CORO2A: variants seen among roughly 807,000 people sequenced by gnomAD.
CORO2A encodes the protein coronin 2A.
A neutral mutation model predicts 62.4 loss-of-function variants in CORO2A; 47 were observed. That is an observed-to-expected ratio of 0.75 (90% CI 0.60 to 0.96). The LOEUF is 0.96. Among genes scored for constraint, CORO2A ranks in the 40% least tolerant of loss-of-function variants. The pLI is 0.00. For synonymous variants in CORO2A, 273 were observed against 268.9 expected, an observed-to-expected ratio of 1.02 and a Z score of -0.15; for missense variants, 610 against 684.1, an observed-to-expected ratio of 0.89 and a Z score of 1.21.
chr9:98,180,886 C>T (rs1191802821), intron 1 of CORO2A, among the ~76,000 whole-genome samples: 1 of 152,220 alleles, frequency 6.6e-6, no homozygotes, highest in Non-Finnish European at 1.5e-5. Context: ...TGCTCAGCAA[C>T]ACCTTTGCTG....
At chr9:98,187,445 C>T (rs1410722443) in intron 1 of CORO2A, among the ~76,000 whole-genome samples, 1 of 125,612 alleles carries the variant, frequency 8.0e-6, no homozygotes, top group African/African-American at 3.1e-5. Context: ...GGCGGCTGGG[C>T]GAAACTCCAT....
chr9:98,151,872 A>G (rs946417581), intron 2 of CORO2A, among the ~76,000 whole-genome samples: 2 of 141,706 alleles, frequency 1.4e-5, no homozygotes, highest in African/African-American at 5.4e-5. Context: ...GCTGGAGTAC[A>G]GTGGCGCGAT....
chr9:98,155,304 C>A (rs1827786828), intron 2 of CORO2A, among the ~76,000 whole-genome samples: 1 of 148,574 alleles, frequency 6.7e-6, no homozygotes, highest in African/African-American at 2.5e-5. Context: ...CTCGCCTTTC[C>A]TTTTGCTATT....
chr9:98,158,942 G>T (rs1827844936), intron 1 of CORO2A, among the ~76,000 whole-genome samples: 1 of 152,134 alleles, frequency 6.6e-6, no homozygotes, highest in Non-Finnish European at 1.5e-5. Flanking sequence ...CTGTGAGAGG[G>T]TCTAGGCCTC....
chr9:98,131,009 G>T lies in CORO2A; in HGVS notation c.816C>A (p.Gly272=). The T allele has an allele frequency of 3.1e-6, 5 of 1,613,930 alleles. No individual in the cohort carries two copies. The highest frequency in any genetic ancestry group is 4.2e-6 in the Non-Finnish European group (5 of 1,179,940). ...LMEEDLDGSS[G]VLFPFYDADT... is the part of the protein sequence containing the mutation. ...CCGCGTCATAGAAGGGAAACAGCAC[G>T]CCCGAGGAGCCGTCCAGGTCCTCCT... Residue 272 remains glycine, a synonymous_variant, in exon 7 of 12, where the codon GGC becomes GGA. Coordinates refer to ENST00000375077, the MANE Select transcript of CORO2A (RefSeq NM_052820.4).
intron 2 of CORO2A, among the ~76,000 whole-genome samples, chr9:98,153,083 C>A (rs1827749356): frequency 1.3e-5 from 2 of 152,118 alleles, no homozygotes; most frequent in South Asian, 2.1e-4. Flanking sequence ...GGTAAAGGGT[C>A]ATCTCTATAA....
Position 98,134,790 on chromosome 9 carries a change from G to T in CORO2A, c.468+16C>A. 1.3e-6 allele frequency: 2 copies of T among 1,593,002 alleles called. No individual in the cohort carries two copies. Among genetic ancestry groups the T allele is most frequent in the Non-Finnish European group, 8.6e-7 (1 of 1,167,032 alleles). On this transcript the variant is annotated intron_variant, in intron 4 of 11. Transcript: ENST00000375077. Reference sequence around the variant, plus strand: ...ACTTGTTGGGGCTGCCCCAGAGAAAGAATACCCAGACTCACCTTGTAGTCA... The same window carrying T: ...ACTTGTTGGGGCTGCCCCAGAGAAATAATACCCAGACTCACCTTGTAGTCA...
At chr9:98,184,697 G>A (rs1044660034) in intron 1 of CORO2A, among the ~76,000 whole-genome samples, 1 of 152,076 alleles carries the variant, frequency 6.6e-6, no homozygotes, top group Admixed American at 6.6e-5. Flanking sequence ...GGCTGCCTTC[G>A]GGGACCCCAC....
chr9:98,127,813 G>GTC (rs1464506149), intron 10 of CORO2A, among the ~76,000 whole-genome samples: 1 of 76,338 alleles, frequency 1.3e-5, no homozygotes, highest in Non-Finnish European at 2.2e-5. Context: ...GCGAGACTCT[G>GTC]TCTCAAAAAA....
In CORO2A at chr9:98,133,030, G is replaced by C. The variant is rs777343719; in HGVS notation, c.648+8C>G. 6.2e-7 allele frequency: 1 copy of C among 1,614,106 alleles called. No individual in the cohort carries two copies. Among genetic ancestry groups the C allele is most frequent in the South Asian group, 1.1e-5 (1 of 91,068 alleles). Reference sequence around the variant, plus strand: ...TGAGCCTGAGCCAGCCCCTGGCCCAGAACTGACCTGGAGGACGGTCCCTGC... The same window carrying C: ...TGAGCCTGAGCCAGCCCCTGGCCCACAACTGACCTGGAGGACGGTCCCTGC... On this transcript the variant is annotated splice_region_variant and intron_variant, in intron 5 of 11. Transcript: ENST00000375077.
chr9:98,186,301 G>C (rs1045022545), intron 1 of CORO2A, among the ~76,000 whole-genome samples: 19 of 152,056 alleles, frequency 1.2e-4, no homozygotes, highest in Non-Finnish European at 2.5e-4. Flanking sequence ...GGCTAGGTTT[G>C]GGGGATGGTA....
At chr9:98,142,368 A>C (rs1469774551) in intron 2 of CORO2A, among the ~76,000 whole-genome samples, 1 of 152,226 alleles carries the variant, frequency 6.6e-6, no homozygotes, top group Non-Finnish European at 1.5e-5. Flanking sequence ...CTGGTGCTGT[A>C]CTTCCTGTGC....
chr9:98,131,371 G>GCTGGAGTGCAGTGGTGCGATCATAGCTCA (rs1827406795), intron 6 of CORO2A, among the ~76,000 whole-genome samples: 1 of 150,876 alleles, frequency 6.6e-6, no homozygotes, highest in Admixed American at 6.6e-5. Context: ...TGTCACCCAG[G>GCTGGAGTGCAGTGGTGCGATCATAGCTCA]CTGGAGTGCA....
At chr9:98,177,613 T>C (rs1458126579) in intron 1 of CORO2A, among the ~76,000 whole-genome samples, 1 of 151,912 alleles carries the variant, frequency 6.6e-6, no homozygotes, top group Admixed American at 6.6e-5. Flanking sequence ...ATTACAGGCA[T>C]GTGCCACCAC....
At chr9:98,181,530 T>A (rs1252602762) in intron 1 of CORO2A, among the ~76,000 whole-genome samples, 1 of 152,018 alleles carries the variant, frequency 6.6e-6, no homozygotes, top group Non-Finnish European at 1.5e-5. Context: ...ATCTTGCCCT[T>A]GATCTTTCCG....
At chr9:98,151,018 C>T (rs1030635299) in intron 2 of CORO2A, among the ~76,000 whole-genome samples, 1 of 152,206 alleles carries the variant, frequency 6.6e-6, no homozygotes. Context: ...CAGCTGCTCT[C>T]TGCATTGCTT....
Position 98,124,602 on chromosome 9 carries a change from C to A in CORO2A, c.*172G>T. On this transcript the variant is annotated 3_prime_UTR_variant, in exon 12 of 12. Transcript: ENST00000375077. ...GAAACTGTTGTTGCAAGAAGGCAAA[C>A]AGAAAAACGGCACCATGTCCCACTG... 1 of 618,714 alleles carries A rather than the reference C, an allele frequency of 1.6e-6. No homozygotes were observed. The highest frequency in any genetic ancestry group is 2.5e-6 in the Non-Finnish European group (1 of 399,340). 38.3% of individuals were successfully genotyped at this position (618,714 alleles called of 1,614,324 possible).
intron 1 of CORO2A, among the ~76,000 whole-genome samples, chr9:98,190,994 C>A (rs1440578145): frequency 6.6e-6 from 1 of 152,222 alleles, no homozygotes; most frequent in Non-Finnish European, 1.5e-5. Context: ...TAGCTCACCC[C>A]CAGGTTCTGC....
chr9:98,148,423 A>G (rs1468449897), intron 2 of CORO2A, among the ~76,000 whole-genome samples: 2 of 150,694 alleles, frequency 1.3e-5, no homozygotes, highest in East Asian at 3.9e-4. Flanking sequence ...AGATAAATAA[A>G]TAAATAAAAA....
Sources: allele counts gnomAD v4.1 joint callset (sites outside exome capture counted in the v4.1 genomes callset), GRCh38; gene constraint gnomAD v4.1.1; transcripts MANE v1.5; gene names NCBI Gene and HGNC (gene_info 2026-07-23, HGNC 2026-07-21).